The following AHCYL2 variants were observed in gnomAD, a reference collection of about 807,000 sequenced individuals.
AHCYL2 encodes S-adenosylhomocysteine hydrolase-like protein 2.
A neutral mutation model predicts 81.4 loss-of-function variants in AHCYL2; 28 were observed. The ratio of observed to expected loss-of-function variants is 0.34; its 90% CI spans 0.25 to 0.47. The LOEUF (loss-of-function observed/expected upper bound fraction) is 0.47, where lower values mean the gene tolerates loss of function less well. AHCYL2 is among the 20% of genes least tolerant of loss of function. The pLI is 1.00. For synonymous variants in AHCYL2, 272 were observed against 290.2 expected (o/e 0.94, Z 0.64); for missense variants, 551 against 785.1 (o/e 0.70, Z 3.56).
intron 1 of AHCYL2, among the ~76,000 whole-genome samples, chr7:129,226,137 C>A (rs1381629334): frequency 6.6e-6 from 1 of 152,198 alleles, no homozygotes; most frequent in Non-Finnish European, 1.5e-5. Flanking sequence ...GAATGAATGT[C>A]TTATTGATTG....
intron 1 of AHCYL2, among the ~76,000 whole-genome samples, chr7:129,304,574 A>G (rs752272498): frequency 6.6e-6 from 1 of 152,224 alleles, no homozygotes; most frequent in Non-Finnish European, 1.5e-5. Context: ...TGTTGGGTAC[A>G]TATATATTTA....
chr7:129,343,664 T>A, intron 1 of AHCYL2, among the ~76,000 whole-genome samples: 1 of 152,164 alleles, frequency 6.6e-6, no homozygotes, highest in East Asian at 1.9e-4. Flanking sequence ...GTTTCTGATC[T>A]CATTCCAAGT....
In AHCYL2 at chr7:129,410,050, G is replaced by A. The variant is rs916545523; in HGVS notation, c.1366+504G>A. 1.0e-5 allele frequency: 11 copies of A among 1,054,106 alleles called. No homozygotes were observed. The African/African-American group carries it at 1.6e-4, about 15-fold the overall frequency. The allele number at this position is 1,054,106 out of a possible 1,614,324, so 65.3% of individuals were successfully genotyped here. A position where few individuals can be genotyped will look rare whatever the true frequency, so the allele number is the denominator to read the frequency against. On this transcript the variant is annotated intron_variant, in intron 11 of 16. Coordinates refer to ENST00000325006, the MANE Select transcript of AHCYL2 (RefSeq NM_015328.4). ...TGCAAGCACTCAATTCTCTAAATCT[G>A]GTTTGTACTTCTGCCATCATTTTAT...
Position 129,426,407 on chromosome 7 carries a change from G to A in AHCYL2, c.1709-36G>A. The A allele has an allele frequency of 3.7e-6, 6 of 1,613,998 alleles. No individual in the cohort carries two copies. The highest frequency in any genetic ancestry group is 5.1e-6 in the Non-Finnish European group (6 of 1,179,894). On this transcript the variant is annotated intron_variant, in intron 15 of 16. Transcript: ENST00000325006. The surrounding 1 kb of genome is among the most constrained non-coding windows in gnomAD (Gnocchi z 4.3). ...ACAATAGCCATCAGATAAAAGGCAT[G>A]AATGCTTATACCAGGGCTTCTGTGG...
chr7:129,293,537 G>A (rs2150753571), intron 1 of AHCYL2, among the ~76,000 whole-genome samples: 1 of 152,042 alleles, frequency 6.6e-6, no homozygotes, highest in Admixed American at 6.6e-5. Flanking sequence ...AATTAGCTGG[G>A]CATGGTGGCA....
chr7:129,300,741 G>A (rs1248193438), intron 1 of AHCYL2, among the ~76,000 whole-genome samples: 1 of 152,154 alleles, frequency 6.6e-6, no homozygotes, highest in African/African-American at 2.4e-5. Flanking sequence ...CATAGTGTAT[G>A]AGGGTTTCCT....
At chr7:129,414,320 G>C (rs1159975157) in intron 12 of AHCYL2, among the ~76,000 whole-genome samples, 1 of 151,648 alleles carries the variant, frequency 6.6e-6, no homozygotes, top group African/African-American at 2.4e-5. Flanking sequence ...ATATCACTTT[G>C]ATTCTCTAAT....
rs544401245 is a variant in AHCYL2, at chr7:129,291,219, A to C, written c.363+65780A>C. ...ATAAGTTTATTCATTTATTCTACAA[A>C]CCCCCCCAAAATTTTGCAGGGAAGT... On this transcript the variant is annotated intron_variant, in intron 1 of 16. Transcript: ENST00000325006. 3.3e-5 allele frequency among the ~76,000 whole-genome samples: 5 copies of C among 151,636 alleles called. No individual in the cohort carries two copies. In the South Asian group the frequency reaches 6.3e-4, roughly 19 times the overall value.
intron 12 of AHCYL2, among the ~76,000 whole-genome samples, chr7:129,414,482 G>A (rs984511085): frequency 6.8e-6 from 1 of 146,818 alleles, no homozygotes; most frequent in Non-Finnish European, 1.5e-5. Context: ...GTGCAGTGGC[G>A]CGGTCTCGGC....
At chr7:129,366,916 C>T (rs1362898083) in intron 1 of AHCYL2, among the ~76,000 whole-genome samples, 1 of 152,066 alleles carries the variant, frequency 6.6e-6, no homozygotes, top group Admixed American at 6.6e-5. Context: ...TTTAAGGGGA[C>T]ATGAGACATC....
intron 1 of AHCYL2, among the ~76,000 whole-genome samples, chr7:129,299,882 A>AT (rs1168961940): frequency 6.6e-6 from 1 of 152,230 alleles, no homozygotes; most frequent in Non-Finnish European, 1.5e-5. Flanking sequence ...GGTTTAGATA[A>AT]TTTAAGTTCA....
intron 2 of AHCYL2, among the ~76,000 whole-genome samples, chr7:129,383,951 T>C (rs779704326): frequency 5.9e-5 from 9 of 152,208 alleles, no homozygotes; most frequent in Non-Finnish European, 1.0e-4. Context: ...CAACAATGTG[T>C]TGTATTCTAG....
chr7:129,255,308 A>G (rs1001539662), intron 1 of AHCYL2, among the ~76,000 whole-genome samples: 1 of 152,140 alleles, frequency 6.6e-6, no homozygotes, highest in Admixed American at 6.5e-5. Context: ...TGATTTTAAT[A>G]TCTTATACTT....
intron 11 of AHCYL2, 35 bp from the exon 12 acceptor site, chr7:129,413,559 T>C: frequency 6.7e-7 from 1 of 1,494,088 alleles, no homozygotes; most frequent in Non-Finnish European, 9.3e-7. Context: ...ATTATCTTTC[T>C]CCACTGCTGC....
intron 1 of AHCYL2, among the ~76,000 whole-genome samples, chr7:129,340,474 A>G (rs1262784655): frequency 6.6e-6 from 1 of 150,890 alleles, no homozygotes; most frequent in African/African-American, 2.4e-5. Context: ...AGGCTGAGGC[A>G]GGAGAATGGC....
chr7:129,249,775 C>T (rs980551212), intron 1 of AHCYL2, among the ~76,000 whole-genome samples: 2 of 152,152 alleles, frequency 1.3e-5, no homozygotes, highest in African/African-American at 4.8e-5. Context: ...AACCTCTATT[C>T]TATTTTCTGT....
chr7:129,236,965 T>TTCG (rs1794664662), intron 1 of AHCYL2, among the ~76,000 whole-genome samples: 1 of 152,224 alleles, frequency 6.6e-6, no homozygotes, highest in South Asian at 2.1e-4. Context: ...AATCTCTGCC[T>TTCG]TCGTATTGGA....
chr7:129,295,248 G>T (rs1584754287), intron 1 of AHCYL2, among the ~76,000 whole-genome samples: 1 of 152,326 alleles, frequency 6.6e-6, no homozygotes, highest in South Asian at 2.1e-4. Flanking sequence ...GAGCAGCCAG[G>T]CTGGTTCTGT....
At chr7:129,397,703 G>C (rs1463314546) in intron 5 of AHCYL2, among the ~76,000 whole-genome samples, 1 of 152,170 alleles carries the variant, frequency 6.6e-6, no homozygotes, top group African/African-American at 2.4e-5. Flanking sequence ...AATTTGCCCT[G>C]ACTTAATGTT....
Sources: gnomAD v4.1 joint callset for allele counts (sites outside exome capture counted in the v4.1 genomes callset) on GRCh38, gnomAD v4.1.1 for gene constraint, Gnocchi (gnomAD v3.1) non-coding constraint, MANE v1.5 for transcripts, NCBI Gene and HGNC (gene_info 2026-07-23, HGNC 2026-07-21) for gene names.